The following EPHA5 variants were observed in gnomAD, a reference collection of about 807,000 sequenced individuals.
EPHA5 encodes ephrin type-A receptor 5.
A neutral mutation model predicts 105.0 loss-of-function variants in EPHA5; 60 were observed. The observed-to-expected ratio is 0.57, with a 90% confidence interval of 0.46 to 0.71. The LOEUF is 0.71. Among genes scored for constraint, EPHA5 ranks in the 30% least tolerant of loss-of-function variants. The pLI is 0.00. For missense variants in EPHA5, 1,218 were observed against 1,274.7 expected (o/e 0.96, Z 0.68); for synonymous variants, 513 against 449.1 (o/e 1.14, Z -1.80).
intron 1 of EPHA5, among the ~76,000 whole-genome samples, chr4:65,656,572 C>T (rs1037569877): frequency 4.1e-5 from 6 of 146,868 alleles, no homozygotes; most frequent in South Asian, 2.1e-4. Flanking sequence ...TTACATGTAG[C>T]ATTTTATATA....
At chr4:65,634,225 G>T (rs913880504) in intron 2 of EPHA5, among the ~76,000 whole-genome samples, 2 of 151,988 alleles carry the variant, frequency 1.3e-5, no homozygotes, top group East Asian at 3.9e-4. Context: ...AACTTCTAAA[G>T]AATAAAATAT....
At chr4:65,558,021 T>C (rs906798567) in intron 3 of EPHA5, among the ~76,000 whole-genome samples, 1 of 151,612 alleles carries the variant, frequency 6.6e-6, no homozygotes, top group African/African-American at 2.4e-5. Flanking sequence ...GGATTACAGG[T>C]GGGTGCCACC....
intron 2 of EPHA5, among the ~76,000 whole-genome samples, chr4:65,627,507 A>G (rs1746259067): frequency 2.0e-5 from 3 of 152,174 alleles, no homozygotes; most frequent in Admixed American, 2.0e-4. Flanking sequence ...AGTGAGTATC[A>G]ATTCAGCAAC....
chr4:65,661,431 A>G (rs1749549221), intron 1 of EPHA5, among the ~76,000 whole-genome samples: 1 of 152,164 alleles, frequency 6.6e-6, no homozygotes, highest in African/African-American at 2.4e-5. Flanking sequence ...ATCAAATACC[A>G]TGGTTCGAAA....
chr4:65,399,930 A>C (rs986205658), intron 8 of EPHA5, among the ~76,000 whole-genome samples: 2 of 152,204 alleles, frequency 1.3e-5, no homozygotes, highest in African/African-American at 2.4e-5. Context: ...ATACCACTAA[A>C]TCTTGTTACT....
chr4:65,376,734 C>A (rs1719042721), intron 8 of EPHA5, among the ~76,000 whole-genome samples: 1 of 151,932 alleles, frequency 6.6e-6, no homozygotes, highest in Non-Finnish European at 1.5e-5. Flanking sequence ...GAACATATAA[C>A]TATAATCTCG....
intron 3 of EPHA5, among the ~76,000 whole-genome samples, chr4:65,529,965 T>A (rs1735611889): frequency 6.6e-6 from 1 of 152,090 alleles, no homozygotes; most frequent in Middle Eastern, 3.2e-3. Flanking sequence ...ACAAATAAGA[T>A]ATTTGAGAAA....
At chr4:65,562,507 T>G (rs1739116732) in intron 3 of EPHA5, among the ~76,000 whole-genome samples, 1 of 152,024 alleles carries the variant, frequency 6.6e-6, no homozygotes, top group East Asian at 1.9e-4. Flanking sequence ...AATAAAAATT[T>G]TAGATAGTTG....
chr4:65,422,624 C>G (rs1724045685), intron 5 of EPHA5, among the ~76,000 whole-genome samples: 1 of 151,976 alleles, frequency 6.6e-6, no homozygotes, highest in African/African-American at 2.4e-5. Flanking sequence ...TTCCAAACTT[C>G]TGAGTTGTAG....
chr4:65,640,776 T>A (rs749783421), intron 2 of EPHA5, among the ~76,000 whole-genome samples: 12 of 152,176 alleles, frequency 7.9e-5, no homozygotes, highest in Non-Finnish European at 1.5e-4. Flanking sequence ...AAGTAAAACC[T>A]TAGGTCTTTC....
At chr4:65,634,900 C>T (rs535556461) in intron 2 of EPHA5, among the ~76,000 whole-genome samples, 7 of 151,888 alleles carry the variant, frequency 4.6e-5, no homozygotes, top group Non-Finnish European at 7.4e-5. Context: ...CAACAAAATA[C>T]GAGATCAGCA....
At chr4:65,475,978 A>G (rs1478204622) in intron 5 of EPHA5, among the ~76,000 whole-genome samples, 2 of 152,084 alleles carry the variant, frequency 1.3e-5, no homozygotes, top group African/African-American at 2.4e-5. Context: ...ACATCAAACA[A>G]CCCTGATTAA....
At chr4:65,461,615 A>C (rs1728130179) in intron 5 of EPHA5, among the ~76,000 whole-genome samples, 1 of 152,036 alleles carries the variant, frequency 6.6e-6, no homozygotes, top group African/African-American at 2.4e-5. Flanking sequence ...AGGACGTAGA[A>C]AAAGAAAGAC....
chr4:65,371,658 G>A (rs1718481655), intron 8 of EPHA5, among the ~76,000 whole-genome samples: 1 of 152,020 alleles, frequency 6.6e-6, no homozygotes, highest in Admixed American at 6.6e-5. Context: ...TACACAAGCA[G>A]TACTTTATAA....
At chr4:65,659,646 A>ATGT (rs750709183) in intron 1 of EPHA5, among the ~76,000 whole-genome samples, 5 of 152,076 alleles carry the variant, frequency 3.3e-5, no homozygotes, top group Admixed American at 6.6e-5. Context: ...ACTTAGAACA[A>ATGT]TGTCCCCCAC....
intron 5 of EPHA5, among the ~76,000 whole-genome samples, chr4:65,471,613 T>A (rs1339831357): frequency 6.6e-6 from 1 of 152,088 alleles, no homozygotes; most frequent in Non-Finnish European, 1.5e-5. Flanking sequence ...AAACTTAAAA[T>A]CATAGTGGAA....
chr4:65,513,727 G>A (rs1208599897), intron 3 of EPHA5, among the ~76,000 whole-genome samples: 1 of 151,882 alleles, frequency 6.6e-6, no homozygotes, highest in Admixed American at 6.6e-5. Flanking sequence ...CACTTTTTTT[G>A]TGTTTTTAAA....
intron 8 of EPHA5, among the ~76,000 whole-genome samples, chr4:65,389,629 A>G (rs28578703): frequency 0.062 from 9,453 of 152,074 alleles, 962 homozygotes; most frequent in African/African-American, 0.22. Context: ...TTATCTATGG[A>G]GAGGATCAGT....
intron 1 of EPHA5, among the ~76,000 whole-genome samples, chr4:65,656,927 T>C (rs545239937): frequency 2.5e-3 from 364 of 147,810 alleles, no homozygotes; most frequent in African/African-American, 8.6e-3. Flanking sequence ...TTGATATTAT[T>C]TTAGAGTAAA....
Sources: allele counts gnomAD v4.1 joint callset (sites outside exome capture counted in the v4.1 genomes callset), GRCh38; gene constraint gnomAD v4.1.1; transcripts MANE v1.5; gene names NCBI Gene and HGNC (gene_info 2026-07-23, HGNC 2026-07-21).